Variants in MAP3K1 observed in about 807,000 individuals in gnomAD.
The protein encoded by MAP3K1 is MAP/ERK kinase kinase 1.
MAP3K1 carries 36 observed loss-of-function variants against 144.2 expected under a neutral mutation model. The observed-to-expected ratio is 0.25, with a 90% confidence interval of 0.19 to 0.33. MAP3K1 has a LOEUF of 0.33. Ranked by LOEUF, MAP3K1 falls within the 10% of genes least tolerant of loss-of-function variation. MAP3K1 has a pLI of 1.00. For synonymous variants in MAP3K1, 718 were observed against 688.7 expected, an observed-to-expected ratio of 1.04 and a Z score of -0.67; for missense variants, 1,650 against 1,881.9, an observed-to-expected ratio of 0.88 and a Z score of 2.28.
chr5:56,856,834 C>G (rs1747358476), intron 2 of MAP3K1, 84 bp downstream of exon 2: 1 of 1,387,360 alleles, frequency 7.2e-7, no homozygotes, highest in African/African-American at 1.4e-5. Context: ...CTCTTGTAAG[C>G]TTTTCTTCTT....
intron 1 of MAP3K1, among the ~76,000 whole-genome samples, chr5:56,829,923 A>C (rs1746436597): frequency 6.6e-6 from 1 of 152,220 alleles, no homozygotes; most frequent in African/African-American, 2.4e-5. Flanking sequence ...ATGATTTGCT[A>C]GGAGAGTTTT....
intron 3 of MAP3K1, among the ~76,000 whole-genome samples, chr5:56,862,690 T>C (rs2111884139): frequency 6.6e-6 from 1 of 152,372 alleles, no homozygotes; most frequent in Non-Finnish European, 1.5e-5. Context: ...TGTACATCTG[T>C]GAGCATGTAT....
chr5:56,864,069 A>G (rs1260581489), intron 3 of MAP3K1, among the ~76,000 whole-genome samples: 4 of 152,166 alleles, frequency 2.6e-5, no homozygotes, highest in Non-Finnish European at 5.9e-5. Context: ...TTTAGTTTTT[A>G]CTACTAGACA....
rs369016156 is a variant in MAP3K1, at chr5:56,820,464, C to T, written c.482+4409C>T. ...GGTCTCTACCCTGTGCTAAGTTTGC[C>T]TGTTAATGTATATAATAGGTATGTT... On this transcript the variant is annotated intron_variant, in intron 1 of 19. Coordinates refer to ENST00000399503, the MANE Select transcript of MAP3K1 (RefSeq NM_005921.2). The T allele has an allele frequency of 6.1e-6, 6 of 984,918 alleles. No homozygotes were observed. In the African/African-American group the frequency reaches 7.0e-5, roughly 11 times the overall value. The allele number at this position is 984,918 out of a possible 1,614,324, so 61.0% of individuals were successfully genotyped here.
chr5:56,882,041 AAC>A lies in MAP3K1; in HGVS notation c.2843_2844del (p.Thr948AsnfsTer55), dbSNP rs1487565085. 4.3e-6 allele frequency: 7 copies of A among 1,613,910 alleles called. No individual in the cohort carries two copies. The highest frequency in any genetic ancestry group is 1.6e-4 in the Middle Eastern group (1 of 6,084). On this transcript the variant is annotated frameshift_variant, in exon 14 of 20. Transcript: ENST00000399503. LOFTEE classifies it high-confidence loss of function. ...CTAGTTCAACAACAACAACAACAAC[AAC>A]AACAGAGCAACCAAAGCCAATGGTT... The part of the protein sequence containing the change: ...PSSSTTTTTT[T>X]TEQPKPMVQT...
rs774824829 is a variant in MAP3K1, at chr5:56,865,418, G to C, written c.1114G>C (p.Asp372His). Reference sequence around the variant, plus strand: ...CCGGGTGTTTCAACTAGAACCTTCAGACCCAATGTTATGGAGAAAAACTTT... The same window carrying C: ...CCGGGTGTTTCAACTAGAACCTTCACACCCAATGTTATGGAGAAAAACTTT... ...MLRVFQLEPS[D>H]PMLWRKTLKN... Residue 372 changes from aspartate (D) to histidine (H), a missense_variant, in exon 5 of 20, where the codon GAC becomes CAC. Physicochemically the swap from Asp to His is moderately conservative, Grantham distance 81 (BLOSUM62 -1). This residue lies in a region of MAP3K1 where 125 missense variants were observed against 179.9 expected (regional missense o/e 0.69). Coordinates refer to ENST00000399503, the MANE Select transcript of MAP3K1 (RefSeq NM_005921.2). The C allele has an allele frequency of 8.7e-6, 14 of 1,608,982 alleles. No homozygotes were observed. Among genetic ancestry groups the C allele is most frequent in the Non-Finnish European group, 9.4e-6 (11 of 1,175,726 alleles).
At chr5:56,853,122 G>T (rs1747227112) in intron 1 of MAP3K1, among the ~76,000 whole-genome samples, 1 of 152,152 alleles carries the variant, frequency 6.6e-6, no homozygotes, top group Non-Finnish European at 1.5e-5. Flanking sequence ...AAAGATCCCA[G>T]TGGTTGTAAG....
intron 9 of MAP3K1, 100 bp downstream of exon 9, chr5:56,873,105 T>G: frequency 9.0e-7 from 1 of 1,108,840 alleles, no homozygotes; most frequent in Non-Finnish European, 1.3e-6. Flanking sequence ...AAAAAACACT[T>G]TTACTTGCCT....
intron 17 of MAP3K1, among the ~76,000 whole-genome samples, chr5:56,886,800 C>T (rs1168624461): frequency 6.6e-6 from 1 of 152,172 alleles, no homozygotes; most frequent in African/African-American, 2.4e-5. Flanking sequence ...GGTTCTCTGT[C>T]ACTCAGGCTG....
intron 1 of MAP3K1, among the ~76,000 whole-genome samples, chr5:56,840,090 T>C (rs1312543317): frequency 2.6e-5 from 4 of 152,224 alleles, no homozygotes; most frequent in Non-Finnish European, 5.9e-5. Context: ...TTTCTCTTAT[T>C]GTGTAACTTG....
intron 10 of MAP3K1, among the ~76,000 whole-genome samples, chr5:56,877,471 C>T (rs780851254): frequency 6.6e-6 from 1 of 151,962 alleles, no homozygotes; most frequent in Non-Finnish European, 1.5e-5. Flanking sequence ...TCTTATCTCC[C>T]CTTCCTCTGT....
chr5:56,875,191 G>T lies in MAP3K1; in HGVS notation c.1846G>T (p.Gly616Trp), dbSNP rs143853590. ...GGGCAGCAGTGGAAGCAGCCCGAGT[G>T]GGGGAGCCACCAGTGGGTCTTCCCA... is the stretch of plus-strand genomic sequence containing the variant. ...SGGSSGSSPS[G>W]GATSGSSQTS... The change falls in exon 10 of 20, where the codon GGG becomes TGG. Residue 616 changes from glycine to tryptophan, a missense_variant. Around this residue, in one of 6 missense-constraint regions of MAP3K1, gnomAD observed 841 missense variants for 886.5 expected, o/e 0.95. Coordinates refer to ENST00000399503, the MANE Select transcript of MAP3K1 (RefSeq NM_005921.2). 9.3e-6 allele frequency: 15 copies of T among 1,614,128 alleles called. No homozygotes were observed. In the East Asian group the frequency reaches 1.3e-4, roughly 14 times the overall value.
rs758904729 is a variant in MAP3K1 at position 56,865,424 on chromosome 5, A to G, written c.1120A>G (p.Met374Val). 12 of 1,606,466 alleles carry G rather than the reference A, an allele frequency of 7.5e-6. No homozygotes were observed. The highest frequency in any genetic ancestry group is 4.5e-5 in the East Asian group (2 of 44,762). The change falls in exon 5 of 20, where the codon ATG becomes GTG. Residue 374 changes from methionine (M) to valine (V), a missense_variant. Transcript: ENST00000399503. ...RVFQLEPSDP[M>V]LWRKTLKNFE... ...GTTTCAACTAGAACCTTCAGACCCA[A>G]TGTTATGGAGAAAAACTTTAAAGAA...
chr5:56,868,201 G>GA (rs1747734858), intron 6 of MAP3K1, among the ~76,000 whole-genome samples: 1 of 152,016 alleles, frequency 6.6e-6, no homozygotes, highest in Non-Finnish European at 1.5e-5. Context: ...ATATATAAAT[G>GA]AACGGGATGG....
intron 6 of MAP3K1, among the ~76,000 whole-genome samples, chr5:56,866,710 T>C (rs1195955346): frequency 6.6e-6 from 1 of 152,218 alleles, no homozygotes; most frequent in African/African-American, 2.4e-5. Context: ...TGTTAAGTAT[T>C]GTAACTACCT....
chr5:56,834,551 T>C (rs1345027015), intron 1 of MAP3K1, among the ~76,000 whole-genome samples: 2 of 151,996 alleles, frequency 1.3e-5, no homozygotes, highest in African/African-American at 4.8e-5. Context: ...GTCTGTACTG[T>C]ACAAAAAATT....
intron 1 of MAP3K1, chr5:56,816,981 G>A (rs1266491595): frequency 1.4e-6 from 1 of 718,848 alleles, no homozygotes; most frequent in South Asian, 6.3e-5. Flanking sequence ...GGCTTGGCCC[G>A]GGGACTGCGG....
chr5:56,856,067 C>T (rs1456436772), intron 1 of MAP3K1, among the ~76,000 whole-genome samples: 2 of 151,806 alleles, frequency 1.3e-5, no homozygotes, highest in Non-Finnish European at 2.9e-5. Flanking sequence ...TATAGAGTAC[C>T]CCAAGTGCTT....
intron 15 of MAP3K1, among the ~76,000 whole-genome samples, chr5:56,883,980 C>T (rs186252011): frequency 1.7e-4 from 26 of 152,090 alleles, no homozygotes; most frequent in Middle Eastern, 3.4e-3. Context: ...GAAACCCTAC[C>T]TCTACTAAAA....
Sources: allele counts gnomAD v4.1 joint callset (sites outside exome capture counted in the v4.1 genomes callset), GRCh38; gene constraint gnomAD v4.1.1; regional missense constraint gnomAD v4.1.1; transcripts MANE v1.5; gene names NCBI Gene and HGNC (gene_info 2026-07-23, HGNC 2026-07-21).